The following CDKAL1 variants were observed in gnomAD, a reference collection of about 807,000 sequenced individuals.
The protein encoded by CDKAL1 is threonylcarbamoyladenosine tRNA methylthiotransferase.
Under a neutral mutation model 68.2 loss-of-function variants are expected in CDKAL1, and 32 were observed. That is an observed-to-expected ratio of 0.47 (90% CI 0.35 to 0.63). The LOEUF is 0.63. Among genes scored for constraint, CDKAL1 ranks in the 30% least tolerant of loss-of-function variants. CDKAL1 has a pLI of 0.00. For missense variants in CDKAL1, 606 were observed against 696.7 expected (o/e 0.87, Z 1.47); for synonymous variants, 234 against 244.3 (o/e 0.96, Z 0.39).
intron 9 of CDKAL1, among the ~76,000 whole-genome samples, chr6:20,896,479 T>A (rs1202387470): frequency 6.6e-6 from 1 of 152,172 alleles, no homozygotes; most frequent in Non-Finnish European, 1.5e-5. Flanking sequence ...CAAAACAAAT[T>A]CGTAAGTCCA....
At chr6:20,711,697 T>C (rs1326596842) in intron 5 of CDKAL1, among the ~76,000 whole-genome samples, 1 of 152,238 alleles carries the variant, frequency 6.6e-6, no homozygotes, top group African/African-American at 2.4e-5. Context: ...TTCCATGGCT[T>C]AATGATATCT....
intron 15 of CDKAL1, among the ~76,000 whole-genome samples, chr6:21,215,478 C>A (rs1779308329): frequency 6.6e-6 from 1 of 152,124 alleles, no homozygotes; most frequent in African/African-American, 2.4e-5. Context: ...GGTGTTTTTG[C>A]CTGTGATCTG....
rs112271799 is a variant in CDKAL1 at position 21,125,365 on chromosome 6, T to C, written c.1299+16902T>C. 1.3e-3 allele frequency among the ~76,000 whole-genome samples: 194 copies of C among 152,304 alleles called. 2 individuals carry two copies. Among genetic ancestry groups the C allele is most frequent in the African/African-American group, 4.2e-3 (175 of 41,584 alleles). ...TGAGGCCTCCCCAGCCATAAGGAAC[T>C]GTGAGTCAATTGAACTTCTTTCCTT... On this transcript the variant is annotated intron_variant, in intron 13 of 15. Transcript: ENST00000274695.
intron 7 of CDKAL1, among the ~76,000 whole-genome samples, chr6:20,775,428 C>T (rs191141200): frequency 1.3e-5 from 2 of 152,324 alleles, no homozygotes; most frequent in East Asian, 1.9e-4. Flanking sequence ...TTTTCCATCA[C>T]AGTGCTAGGC....
At chr6:20,886,057 T>G (rs989808352) in intron 9 of CDKAL1, among the ~76,000 whole-genome samples, 1 of 152,000 alleles carries the variant, frequency 6.6e-6, no homozygotes, top group Non-Finnish European at 1.5e-5. Context: ...AAAAAAGAAC[T>G]ACGACTCAAC....
At chr6:20,821,298 G>T (rs1053423296) in intron 8 of CDKAL1, among the ~76,000 whole-genome samples, 2 of 152,046 alleles carry the variant, frequency 1.3e-5, no homozygotes, top group South Asian at 2.1e-4. Context: ...AGAGAGAATG[G>T]GTTGCTCCCG....
At chr6:21,068,716 G>C (rs1358581984) in intron 12 of CDKAL1, among the ~76,000 whole-genome samples, 1 of 151,918 alleles carries the variant, frequency 6.6e-6, no homozygotes, top group Non-Finnish European at 1.5e-5. Context: ...TTGTTCCTTT[G>C]TTTTTGTAAA....
intron 13 of CDKAL1, among the ~76,000 whole-genome samples, chr6:21,147,082 TG>T (rs887741447): frequency 3.9e-5 from 6 of 152,034 alleles, no homozygotes; most frequent in African/African-American, 1.4e-4. Context: ...GATTGACTGG[TG>T]GGGGGGAAGT....
chr6:20,647,292 C>T (rs1343239911), intron 4 of CDKAL1, among the ~76,000 whole-genome samples: 1 of 152,176 alleles, frequency 6.6e-6, no homozygotes, highest in African/African-American at 2.4e-5. Flanking sequence ...TTAAATACAA[C>T]AGTGAAGCTT....
intron 15 of CDKAL1, among the ~76,000 whole-genome samples, chr6:21,204,441 T>C (rs1778818931): frequency 6.6e-6 from 1 of 152,184 alleles, no homozygotes; most frequent in South Asian, 2.1e-4. Flanking sequence ...AAGATAAAGA[T>C]TCCTTTTACA....
intron 12 of CDKAL1, among the ~76,000 whole-genome samples, chr6:21,077,908 T>C (rs1049847870): frequency 2.6e-5 from 4 of 152,066 alleles, no homozygotes; most frequent in Admixed American, 2.6e-4. Flanking sequence ...ACAAGGATCC[T>C]CATAAAGGGG....
chr6:20,875,688 T>C lies in CDKAL1; in HGVS notation c.742+29510T>C, dbSNP rs113771960. On this transcript the variant is annotated intron_variant, in intron 9 of 15. Coordinates refer to ENST00000274695, the MANE Select transcript of CDKAL1 (RefSeq NM_017774.3). ...TATTACCTTCACTAATGAAAAAAAA[T>C]AGGGTCTGTAAAGCTATTTAATAAT... Among the ~76,000 whole-genome samples the C allele has an allele frequency of 3.3e-3, 502 of 151,674 alleles. 5 individuals carry two copies. The highest frequency in any genetic ancestry group is 0.012 in the African/African-American group (477 of 41,294).
chr6:20,542,377 G>T (rs1381169769), intron 2 of CDKAL1, among the ~76,000 whole-genome samples: 2 of 152,108 alleles, frequency 1.3e-5, no homozygotes, highest in Non-Finnish European at 2.9e-5. Context: ...CATCTGTCAT[G>T]GTATCCTTGT....
intron 10 of CDKAL1, among the ~76,000 whole-genome samples, chr6:20,965,017 A>T (rs1277107997): frequency 2.0e-5 from 3 of 152,158 alleles, no homozygotes; most frequent in African/African-American, 7.2e-5. Context: ...CTTTATAAAT[A>T]AACTGATGTT....
chr6:20,999,663 T>TAAAAAAAAAAAAA (rs36078234), intron 10 of CDKAL1, among the ~76,000 whole-genome samples: 120 of 93,296 alleles, frequency 1.3e-3, no homozygotes, highest in East Asian at 4.4e-3. Context: ...TGACTGAAAT[T>TAAAAAAAAAAAAA]AAAAAAAAAA....
chr6:20,753,595 G>A (rs1049872852), intron 6 of CDKAL1, among the ~76,000 whole-genome samples: 3 of 152,122 alleles, frequency 2.0e-5, no homozygotes, highest in Non-Finnish European at 4.4e-5. Flanking sequence ...ACAATGAAGC[G>A]ATGACCTAAT....
chr6:20,888,464 A>C (rs7773564), intron 9 of CDKAL1, among the ~76,000 whole-genome samples: 135,929 of 141,890 alleles, frequency 0.96, 65,113 homozygotes, highest in East Asian at 1. Context: ...TGGTGTACTG[A>C]ACCCATTAAC....
intron 7 of CDKAL1, among the ~76,000 whole-genome samples, chr6:20,761,255 A>C (rs1334196427): frequency 6.6e-6 from 1 of 152,232 alleles, no homozygotes; most frequent in Non-Finnish European, 1.5e-5. Context: ...CAATGGTCAA[A>C]ATCCAAAACA....
rs190564784 is a variant in CDKAL1, at chr6:20,719,916, T to C, written c.372-19603T>C. Among the ~76,000 whole-genome samples the C allele has an allele frequency of 2.9e-3, 443 of 152,340 alleles. 1 individual carries two copies. The highest frequency in any genetic ancestry group is 0.027 in the Middle Eastern group (8 of 294). On this transcript the variant is annotated intron_variant, in intron 5 of 15. Transcript: ENST00000274695. ...GATAATAAAGTTAAATCTTGCTCATTTTAAAAAGCCTGGTACGTATTTTAA... is the reference window on the plus strand; with the variant it reads ...GATAATAAAGTTAAATCTTGCTCATCTTAAAAAGCCTGGTACGTATTTTAA...
Sources: allele counts gnomAD v4.1 joint callset (sites outside exome capture counted in the v4.1 genomes callset), GRCh38; gene constraint gnomAD v4.1.1; transcripts MANE v1.5; gene names NCBI Gene and HGNC (gene_info 2026-07-23, HGNC 2026-07-21).